ZNF148: variants seen among roughly 807,000 people sequenced by gnomAD.
ZNF148 encodes the protein zinc finger protein 148.
A neutral mutation model predicts 67.7 loss-of-function variants in ZNF148; 7 were observed. The ratio of observed to expected loss-of-function variants is 0.10; its 90% CI spans 0.06 to 0.19. The LOEUF (loss-of-function observed/expected upper bound fraction) is 0.19. Ranked by LOEUF, ZNF148 falls within the 10% of genes least tolerant of loss-of-function variation. ZNF148 has a pLI of 1.00. For synonymous variants in ZNF148, 333 were observed against 330.7 expected (o/e 1.01, Z -0.08); for missense variants, 583 against 947.1 (o/e 0.62, Z 5.05).
chr3:125,252,726 C>G (rs540169189), intron 7 of ZNF148, among the ~76,000 whole-genome samples: 1 of 150,132 alleles, frequency 6.7e-6, no homozygotes, highest in African/African-American at 2.5e-5. Flanking sequence ...CGAGATTGTG[C>G]CCCTGCACTC....
chr3:125,278,150 T>C (rs906537926), intron 6 of ZNF148, among the ~76,000 whole-genome samples: 1 of 152,180 alleles, frequency 6.6e-6, no homozygotes, highest in African/African-American at 2.4e-5. Flanking sequence ...TTTCTTCCTT[T>C]TTATCTGGAA....
chr3:125,361,373 C>T (rs1275932109), intron 1 of ZNF148, among the ~76,000 whole-genome samples: 6 of 152,082 alleles, frequency 3.9e-5, no homozygotes, highest in African/African-American at 1.4e-4. Flanking sequence ...CCTCCTATTT[C>T]CCCTACCCAA....
At chr3:125,273,769 G>A (rs972804659) in intron 7 of ZNF148, among the ~76,000 whole-genome samples, 1 of 152,040 alleles carries the variant, frequency 6.6e-6, no homozygotes, top group African/African-American at 2.4e-5. Context: ...GTGAGCCACC[G>A]CACCCGGCCG....
At chr3:125,281,002 G>A (rs1370528947) in intron 5 of ZNF148, among the ~76,000 whole-genome samples, 1 of 152,148 alleles carries the variant, frequency 6.6e-6, no homozygotes, top group African/African-American at 2.4e-5. Flanking sequence ...GAAAAGGGCA[G>A]TACGTAAGGG....
At chr3:125,234,167 T>C in intron 8 of ZNF148, 44 bp downstream of exon 8, 1 of 1,337,366 alleles carries the variant, frequency 7.5e-7, no homozygotes, top group African/African-American at 1.5e-5. Flanking sequence ...ATAATTATTG[T>C]ATAATTTAAT....
chr3:125,335,947 G>C (rs1941472951), intron 1 of ZNF148, among the ~76,000 whole-genome samples: 1 of 152,138 alleles, frequency 6.6e-6, no homozygotes, highest in African/African-American at 2.4e-5. Context: ...TAAGAGATGT[G>C]TTAGAAGAAA....
chr3:125,349,094 G>C (rs1241574298), intron 1 of ZNF148, among the ~76,000 whole-genome samples: 1 of 152,182 alleles, frequency 6.6e-6, no homozygotes, highest in Non-Finnish European at 1.5e-5. Flanking sequence ...ACTCAAAATA[G>C]ATTAGAAACT....
chr3:125,262,073 TAAAATC>T (rs1560122584), intron 7 of ZNF148, among the ~76,000 whole-genome samples: 1 of 152,170 alleles, frequency 6.6e-6, no homozygotes, highest in African/African-American at 2.4e-5. Context: ...TCCCTATCAT[TAAAATC>T]AATTGTAAAT....
chr3:125,363,502 C>T (rs974779231), intron 1 of ZNF148, among the ~76,000 whole-genome samples: 4 of 152,170 alleles, frequency 2.6e-5, no homozygotes, highest in Non-Finnish European at 5.9e-5. Flanking sequence ...ATTAAAAGCC[C>T]TAGAGCTTTT....
Position 125,233,991 on chromosome 3 carries a change from G to T in ZNF148, c.787-52C>A, listed in dbSNP as rs1334639034. On this transcript the variant is annotated intron_variant, in intron 8 of 8. Coordinates refer to ENST00000360647, the MANE Select transcript of ZNF148 (RefSeq NM_021964.3). The surrounding 1 kb of genome is among the most constrained non-coding windows in gnomAD (Gnocchi z 5.1). ...GTTGTTTGTGGTTTTGGTCAACCAA[G>T]AAAAGAAAAAGTGAAACAAAACAAT... 1 of 1,520,616 alleles carries T rather than the reference G, an allele frequency of 6.6e-7. No individual in the cohort carries two copies. Among genetic ancestry groups the T allele is most frequent in the East Asian group, 2.3e-5 (1 of 43,552 alleles). 94.2% of individuals were successfully genotyped at this position (1,520,616 alleles called of 1,614,324 possible).
At chr3:125,293,733 C>T (rs1049237765) in intron 4 of ZNF148, among the ~76,000 whole-genome samples, 1 of 151,912 alleles carries the variant, frequency 6.6e-6, no homozygotes, top group East Asian at 1.9e-4. Flanking sequence ...GTAAAAACAA[C>T]AAATAAATGG....
chr3:125,329,239 A>G (rs991394402), intron 2 of ZNF148, among the ~76,000 whole-genome samples: 2 of 148,394 alleles, frequency 1.3e-5, no homozygotes, highest in Non-Finnish European at 3.0e-5. Flanking sequence ...ATATGTATAG[A>G]TATATATATC....
intron 7 of ZNF148, among the ~76,000 whole-genome samples, chr3:125,269,975 G>A (rs1483027032): frequency 6.6e-6 from 1 of 152,034 alleles, no homozygotes; most frequent in Non-Finnish European, 1.5e-5. Context: ...AGAAGGAATG[G>A]GGGAAAGGCC....
intron 1 of ZNF148, among the ~76,000 whole-genome samples, chr3:125,337,237 T>A (rs573483264): frequency 1.3e-5 from 2 of 152,250 alleles, no homozygotes; most frequent in African/African-American, 4.8e-5. Context: ...AGAAACCAAC[T>A]GTCCATCTAT....
intron 7 of ZNF148, among the ~76,000 whole-genome samples, chr3:125,243,093 T>C (rs984478026): frequency 2.6e-5 from 4 of 152,204 alleles, no homozygotes; most frequent in African/African-American, 9.6e-5. Flanking sequence ...TTTGATATTA[T>C]TTACCATGTT....
chr3:125,320,417 G>C (rs886646211), intron 3 of ZNF148, among the ~76,000 whole-genome samples: 2 of 152,140 alleles, frequency 1.3e-5, no homozygotes, highest in African/African-American at 4.8e-5. Context: ...ACATCCATGT[G>C]TCACTTATTA....
At chr3:125,265,911 T>C (rs1379280914) in intron 7 of ZNF148, among the ~76,000 whole-genome samples, 1 of 151,912 alleles carries the variant, frequency 6.6e-6, no homozygotes, top group Non-Finnish European at 1.5e-5. Context: ...CAAGAAAGAG[T>C]AGGGGTCATT....
At chr3:125,316,980 TGGAACA>T (rs1940527157) in intron 3 of ZNF148, among the ~76,000 whole-genome samples, 1 of 152,166 alleles carries the variant, frequency 6.6e-6, no homozygotes, top group Non-Finnish European at 1.5e-5. Flanking sequence ...GTGAGAGACT[TGGAACA>T]GGAAGAGAGC....
At chr3:125,339,543 G>A (rs1279740375) in intron 1 of ZNF148, among the ~76,000 whole-genome samples, 1 of 152,166 alleles carries the variant, frequency 6.6e-6, no homozygotes, top group African/African-American at 2.4e-5. Context: ...GCAACCTCTT[G>A]AGCTGGATAT....
Sources: gnomAD v4.1 joint callset for allele counts (sites outside exome capture counted in the v4.1 genomes callset) on GRCh38, gnomAD v4.1.1 for gene constraint, Gnocchi (gnomAD v3.1) non-coding constraint, MANE v1.5 for transcripts, NCBI Gene and HGNC (gene_info 2026-07-23, HGNC 2026-07-21) for gene names.